PDSS2: variants seen among roughly 807,000 people sequenced by gnomAD.
PDSS2 encodes all trans-polyprenyl-diphosphate synthase PDSS2.
PDSS2 carries 31 observed loss-of-function variants against 44.5 expected under a neutral mutation model. The observed-to-expected ratio is 0.70, with a 90% CI of 0.52 to 0.94. The LOEUF (loss-of-function observed/expected upper bound fraction) is 0.94, where lower values mean the gene tolerates loss of function less well. PDSS2 is among the 40% of genes least tolerant of loss of function. The probability of loss-of-function intolerance (pLI) is 0.00; values close to 1 mark genes in which losing one functional copy is unlikely to be tolerated. For missense variants in PDSS2, 452 were observed against 482.2 expected, an observed-to-expected ratio of 0.94 and a Z score of 0.59; for synonymous variants, 157 against 180.3, an observed-to-expected ratio of 0.87 and a Z score of 1.03.
intron 2 of PDSS2, among the ~76,000 whole-genome samples, chr6:107,285,451 C>G (rs1776107966): frequency 6.6e-6 from 1 of 151,066 alleles, no homozygotes; most frequent in African/African-American, 2.4e-5. Context: ...TTGCGACAAG[C>G]CTGGGGAACA....
At chr6:107,232,821 C>A (rs1774094308) in intron 4 of PDSS2, among the ~76,000 whole-genome samples, 1 of 151,996 alleles carries the variant, frequency 6.6e-6, no homozygotes, top group Non-Finnish European at 1.5e-5. Flanking sequence ...CTGATCCCAA[C>A]AAACTTCAAT....
intron 6 of PDSS2, among the ~76,000 whole-genome samples, chr6:107,200,340 T>C (rs934876850): frequency 2.6e-5 from 4 of 152,186 alleles, no homozygotes; most frequent in African/African-American, 9.7e-5. Flanking sequence ...TCTTGATCTG[T>C]AGAACACCAG....
At chr6:107,424,307 C>G (rs540183535) in intron 1 of PDSS2, among the ~76,000 whole-genome samples, 18 of 152,190 alleles carry the variant, frequency 1.2e-4, no homozygotes, top group Admixed American at 2.6e-4. Context: ...CCTCAGCCTC[C>G]CAAAGTGCTG....
chr6:107,160,171 G>T (rs115448975), intron 7 of PDSS2, among the ~76,000 whole-genome samples: 1 of 152,142 alleles, frequency 6.6e-6, no homozygotes, highest in African/African-American at 2.4e-5. Flanking sequence ...GGCCAAAGTC[G>T]CGCCATTGCA....
intron 2 of PDSS2, among the ~76,000 whole-genome samples, chr6:107,306,930 T>C (rs899548696): frequency 1.3e-5 from 2 of 152,240 alleles, no homozygotes; most frequent in Non-Finnish European, 2.9e-5. Flanking sequence ...CAAATAGTTA[T>C]AAGCATAAGG....
intron 1 of PDSS2, among the ~76,000 whole-genome samples, chr6:107,340,691 C>G (rs1343445993): frequency 6.6e-6 from 1 of 152,144 alleles, no homozygotes; most frequent in East Asian, 1.9e-4. Context: ...ACAGTAGAGG[C>G]AGCATTCAGA....
intron 3 of PDSS2, among the ~76,000 whole-genome samples, chr6:107,247,330 G>C (rs1350991634): frequency 6.6e-6 from 1 of 152,202 alleles, no homozygotes; most frequent in East Asian, 1.9e-4. Context: ...CAGTGGATCT[G>C]GCTCTGGATA....
chr6:107,368,463 G>T (rs1350437489), intron 1 of PDSS2, among the ~76,000 whole-genome samples: 1 of 152,062 alleles, frequency 6.6e-6, no homozygotes, highest in African/African-American at 2.4e-5. Flanking sequence ...ATTTTTACAG[G>T]TTGGAAGACT....
At chr6:107,429,909 T>A (rs1195732082) in intron 1 of PDSS2, among the ~76,000 whole-genome samples, 6,535 of 24,222 alleles carry the variant, frequency 0.27, 888 homozygotes, top group Middle Eastern at 0.46. Flanking sequence ...AAAATATATA[T>A]ATATATATAT....
At chr6:107,277,427 A>G (rs1775820694) in intron 2 of PDSS2, among the ~76,000 whole-genome samples, 1 of 152,244 alleles carries the variant, frequency 6.6e-6, no homozygotes, top group African/African-American at 2.4e-5. Flanking sequence ...GAGCTTGGTT[A>G]TAGCAGGTGA....
At chr6:107,208,112 G>A (rs1367213240) in intron 6 of PDSS2, among the ~76,000 whole-genome samples, 6 of 147,172 alleles carry the variant, frequency 4.1e-5, no homozygotes, top group Non-Finnish European at 7.4e-5. Context: ...TCAGCCTCCC[G>A]AGTAGCTGGG....
intron 4 of PDSS2, among the ~76,000 whole-genome samples, chr6:107,213,871 TA>T (rs1252417069): frequency 6.6e-6 from 1 of 152,086 alleles, no homozygotes; most frequent in African/African-American, 2.4e-5. Flanking sequence ...AAACAAGGTG[TA>T]AAAGAGGATA....
intron 1 of PDSS2, among the ~76,000 whole-genome samples, chr6:107,373,303 A>G (rs1779183235): frequency 6.6e-6 from 1 of 152,146 alleles, no homozygotes. Flanking sequence ...CATTTTTTAA[A>G]GTATGTTAAT....
intron 2 of PDSS2, among the ~76,000 whole-genome samples, chr6:107,275,931 T>C (rs1443246722): frequency 6.6e-6 from 1 of 151,894 alleles, no homozygotes; most frequent in Non-Finnish European, 1.5e-5. Context: ...TCAGGCAACA[T>C]AGTGAGACCC....
At position 107,448,089 on chromosome 6, in the gene PDSS2, G is replaced by T. The variant is rs2086205; in HGVS notation, c.296+10901C>A. Among the ~76,000 whole-genome samples, 20 of 152,268 alleles carry T rather than the reference G, an allele frequency of 1.3e-4. No homozygotes were observed. In the South Asian group the frequency reaches 2.9e-3, roughly 22 times the overall value. ...CAAGTCCAGAAGCTGCATACAGCAG[G>T]GGGGGCTGGACCTGGCCCAGGAAAC... On this transcript the variant is annotated intron_variant, in intron 1 of 7. Transcript: ENST00000369037.
At chr6:107,337,574 A>G (rs1396237802) in intron 1 of PDSS2, among the ~76,000 whole-genome samples, 1 of 152,244 alleles carries the variant, frequency 6.6e-6, no homozygotes, top group Non-Finnish European at 1.5e-5. Context: ...AAGAGACAAC[A>G]TAGGTCAAAG....
chr6:107,248,505 T>G (rs1774703747), intron 3 of PDSS2, among the ~76,000 whole-genome samples: 1 of 134,564 alleles, frequency 7.4e-6, no homozygotes, highest in African/African-American at 3.0e-5. Flanking sequence ...CTCAACAGAT[T>G]AGGGAACTGT....
At chr6:107,435,879 C>T (rs1781334783) in intron 1 of PDSS2, among the ~76,000 whole-genome samples, 1 of 151,814 alleles carries the variant, frequency 6.6e-6, no homozygotes, top group Admixed American at 6.6e-5. Flanking sequence ...CAAGGAGACT[C>T]CAGGAGAATA....
intron 1 of PDSS2, among the ~76,000 whole-genome samples, chr6:107,430,872 C>T (rs12215105): frequency 0.051 from 7,735 of 152,120 alleles, 404 homozygotes; most frequent in African/African-American, 0.13. Flanking sequence ...CCAGCACCAG[C>T]AATTTCTTCA....
Sources: gnomAD v4.1 joint callset for allele counts (sites outside exome capture counted in the v4.1 genomes callset) on GRCh38, gnomAD v4.1.1 for gene constraint, MANE v1.5 for transcripts, NCBI Gene and HGNC (gene_info 2026-07-23, HGNC 2026-07-21) for gene names.